PDIA5: variants seen among roughly 807,000 people sequenced by gnomAD.
The protein encoded by PDIA5 is protein disulfide isomerase family A member 5.
In PDIA5, 58 loss-of-function variants were observed where a neutral mutation model predicts 77.6. The observed-to-expected ratio is 0.75, with a 90% CI of 0.61 to 0.93. PDIA5 has a LOEUF of 0.93. Among genes scored for constraint, PDIA5 ranks in the 40% least tolerant of loss-of-function variants. PDIA5 has a pLI of 0.00. For missense variants in PDIA5, 630 were observed against 647.7 expected, an observed-to-expected ratio of 0.97 and a Z score of 0.30; for synonymous variants, 250 against 252.1, an observed-to-expected ratio of 0.99 and a Z score of 0.08.
At chr3:123,111,108 C>A (rs1207546334) in intron 7 of PDIA5, 104 bp downstream of exon 7, 20 of 814,336 alleles carry the variant, frequency 2.5e-5, no homozygotes, top group Middle Eastern at 3.4e-4. Context: ...AGCCTGGGTG[C>A]CTGGCTTAGA....
At chr3:123,075,958 T>C (rs1341120911) in intron 1 of PDIA5, among the ~76,000 whole-genome samples, 2 of 152,216 alleles carry the variant, frequency 1.3e-5, no homozygotes, top group African/African-American at 4.8e-5. Context: ...ACATTGGAGC[T>C]GTGTCACCAT....
At position 123,089,286 on chromosome 3, in the gene PDIA5, C is replaced by G. The variant is rs1934226929; in HGVS notation, c.161C>G (p.Ser54Cys). 4 of 1,614,082 alleles carry G rather than the reference C, an allele frequency of 2.5e-6. No homozygotes were observed. The highest frequency in any genetic ancestry group is 3.4e-6 in the Non-Finnish European group (4 of 1,179,936). Residue 54 changes from serine (S) to cysteine (C), a missense_variant, in exon 2 of 17, where the codon TCC (serine) becomes TGC (cysteine). Transcript: ENST00000316218. ...RTRNNVLVLY[S>C]KSEVAAENHL... ...CGGAATAATGTACTGGTGCTTTACTCCAAATCTGGTGAGTGTCCCTTCCTG... is the reference window on the plus strand; with the variant it reads ...CGGAATAATGTACTGGTGCTTTACTGCAAATCTGGTGAGTGTCCCTTCCTG...
At chr3:123,113,227 A>C (rs863219) in intron 7 of PDIA5, among the ~76,000 whole-genome samples, 1 of 152,100 alleles carries the variant, frequency 6.6e-6, no homozygotes, top group Non-Finnish European at 1.5e-5. Flanking sequence ...GTGTATATCA[A>C]TATGCAGTGC....
At chr3:123,155,241 T>A (rs1246268693) in intron 15 of PDIA5, among the ~76,000 whole-genome samples, 200 bp downstream of exon 15, 4 of 152,194 alleles carry the variant, frequency 2.6e-5, no homozygotes, top group African/African-American at 9.6e-5. Context: ...AAAAGGGATA[T>A]GCTGAACCAT....
chr3:123,149,500 G>A (rs999827809), intron 13 of PDIA5, among the ~76,000 whole-genome samples: 2 of 152,202 alleles, frequency 1.3e-5, no homozygotes, highest in Non-Finnish European at 2.9e-5. Context: ...AAGCAGGGGA[G>A]CAAAAGCTAT....
chr3:123,148,270 CA>C (rs1260997242), intron 13 of PDIA5, among the ~76,000 whole-genome samples: 1 of 152,048 alleles, frequency 6.6e-6, no homozygotes, highest in Non-Finnish European at 1.5e-5. Flanking sequence ...TGGAAGTACT[CA>C]AAAAAGTTGA....
At chr3:123,068,949 G>A (rs1406322669) in intron 1 of PDIA5, among the ~76,000 whole-genome samples, 1 of 152,214 alleles carries the variant, frequency 6.6e-6, no homozygotes, top group Non-Finnish European at 1.5e-5. Flanking sequence ...TGAAAGATGT[G>A]TGGTAGTTAG....
intron 3 of PDIA5, among the ~76,000 whole-genome samples, chr3:123,093,845 T>C (rs1305527558): frequency 1.3e-5 from 2 of 152,196 alleles, no homozygotes; most frequent in African/African-American, 2.4e-5. Context: ...GGCAAAGACC[T>C]CGGAGCACAA....
chr3:123,145,650 A>C, intron 12 of PDIA5, 58 bp downstream of exon 12: 1 of 1,443,868 alleles, frequency 6.9e-7, no homozygotes, highest in African/African-American at 1.4e-5. Context: ...TGACAGGTGG[A>C]ATCATTATGA....
At chr3:123,105,583 G>A (rs1237382425) in intron 5 of PDIA5, among the ~76,000 whole-genome samples, 1 of 152,214 alleles carries the variant, frequency 6.6e-6, no homozygotes, top group Admixed American at 6.5e-5. Flanking sequence ...ATCCTATGAA[G>A]TCTTGGCTGT....
chr3:123,079,237 A>G (rs1933931287), intron 1 of PDIA5, among the ~76,000 whole-genome samples: 1 of 139,816 alleles, frequency 7.2e-6, no homozygotes, highest in South Asian at 2.2e-4. Context: ...CTGGAGTGCA[A>G]TGGTGCGATC....
At chr3:123,112,910 C>T (rs1934899676) in intron 7 of PDIA5, among the ~76,000 whole-genome samples, 1 of 152,108 alleles carries the variant, frequency 6.6e-6, no homozygotes, top group Non-Finnish European at 1.5e-5. Flanking sequence ...AGCCTCCTCC[C>T]CAGGCCTCCT....
chr3:123,130,380 C>A, intron 10 of PDIA5, 100 bp from the exon 11 acceptor site: 1 of 1,339,192 alleles, frequency 7.5e-7, no homozygotes, highest in Non-Finnish European at 1.0e-6. Context: ...AGTGGGCCGT[C>A]CCGAGCCCAT....
In PDIA5 at chr3:123,124,263, G is replaced by A. The variant is rs861375; in HGVS notation, c.702-9G>A. On this transcript the variant is annotated splice_polypyrimidine_tract_variant and intron_variant, in intron 9 of 16. Coordinates refer to ENST00000316218, the MANE Select transcript of PDIA5 (RefSeq NM_006810.4). The stretch of plus-strand genomic sequence containing the variant: ...GACTGAGCCCACGTTGTTTCTCCAC[G>A]TTTCACAGGAAAGGACGGTTCTTGT... The A allele has an allele frequency of 2.5e-6, 4 of 1,610,424 alleles. No individual in the cohort carries two copies. The highest frequency in any genetic ancestry group is 3.3e-5 in the Admixed American group (2 of 59,996).
rs745445000 is a variant in PDIA5 at position 123,124,325 on chromosome 3, T to C, written c.755T>C (p.Ile252Thr). ...YDNYGSTAED[I>T]VEWLKNPQPP... ...AACTATGGGTCCACAGCTGAGGACA[T>C]TGTGGAGTGGCTGAAGAAGTAAGTG... The change falls in exon 10 of 17, where the codon ATT (isoleucine) becomes ACT (threonine). Residue 252 changes from isoleucine to threonine, a missense_variant. Physicochemically the swap from Ile to Thr is moderately conservative, Grantham distance 89. Coordinates refer to ENST00000316218, the MANE Select transcript of PDIA5 (RefSeq NM_006810.4). The C allele has an allele frequency of 3.1e-6, 5 of 1,612,954 alleles. No individual in the cohort carries two copies. The South Asian group carries it at 3.3e-5, about 11-fold the overall frequency.
intron 14 of PDIA5, among the ~76,000 whole-genome samples, chr3:123,153,805 C>T (rs899276572): frequency 1.3e-5 from 2 of 152,208 alleles, no homozygotes; most frequent in Non-Finnish European, 2.9e-5. Context: ...TTTCACAAAA[C>T]CCTTTGAAAT....
chr3:123,102,935 G>A, intron 5 of PDIA5, 139 bp downstream of exon 5: 1 of 695,430 alleles, frequency 1.4e-6, no homozygotes, highest in South Asian at 1.6e-5. Context: ...CTTATCTCTA[G>A]AGCATATGTC....
chr3:123,108,119 T>G (rs1934779476), intron 6 of PDIA5, among the ~76,000 whole-genome samples: 1 of 152,144 alleles, frequency 6.6e-6, no homozygotes, highest in Non-Finnish European at 1.5e-5. Flanking sequence ...TCTTAATGCT[T>G]GTTGGCCCAG....
At chr3:123,079,668 C>T (rs1933945889) in intron 1 of PDIA5, among the ~76,000 whole-genome samples, 1 of 152,136 alleles carries the variant, frequency 6.6e-6, no homozygotes, top group African/African-American at 2.4e-5. Flanking sequence ...CTAATTTCCT[C>T]AGGACACATT....
Sources: allele counts gnomAD v4.1 joint callset (sites outside exome capture counted in the v4.1 genomes callset), GRCh38; gene constraint gnomAD v4.1.1; transcripts MANE v1.5; gene names NCBI Gene and HGNC (gene_info 2026-07-23, HGNC 2026-07-21).